TSPEAR: variants seen among roughly 807,000 people sequenced by gnomAD.
TSPEAR encodes the protein thrombospondin type laminin G domain and EAR repeats, also known as thrombospondin-type laminin G domain and EAR repeat-containing protein.
In TSPEAR, 69 loss-of-function variants were observed where a neutral mutation model predicts 71.6. That is an observed-to-expected ratio of 0.96 (90% CI 0.79 to 1.18). TSPEAR has a LOEUF of 1.18. Among genes scored for constraint, TSPEAR ranks in the 50% most tolerant of loss-of-function variants. TSPEAR has a pLI of 0.00. For missense variants in TSPEAR, 971 were observed against 894.9 expected, an observed-to-expected ratio of 1.09 and a Z score of -1.09; for synonymous variants, 402 against 387.2, an observed-to-expected ratio of 1.04 and a Z score of -0.45.
chr21:44,646,643 G>C, intron 1 of TSPEAR: 19 of 1,613,562 alleles, frequency 1.2e-5, no homozygotes, highest in Non-Finnish European at 1.6e-5. Flanking sequence ...CAGGCGGCCT[G>C]TGAGCCCAGC....
At chr21:44,600,292 TCTATTTGCAGACATTACACCC>T (rs1569211366) in intron 1 of TSPEAR, among the ~76,000 whole-genome samples, 11 of 147,572 alleles carry the variant, frequency 7.5e-5, no homozygotes, top group African/African-American at 3.0e-4. Context: ...CCTGGGACAC[TCTATTTGCAGACATTACACCC>T]TGTCTACTTC....
At chr21:44,573,877 CCTG>C in intron 1 of TSPEAR, 1 of 1,611,326 alleles carries the variant, frequency 6.2e-7, no homozygotes, top group Middle Eastern at 1.7e-4. Flanking sequence ...TGCGAGCCCC[CCTG>C]CTGCGCCCCC....
At chr21:44,676,302 G>T in intron 1 of TSPEAR, 1 of 1,210,458 alleles carries the variant, frequency 8.3e-7, no homozygotes, top group Non-Finnish European at 1.2e-6. Context: ...GGATAGCTGT[G>T]GCTAAAGCTT....
At chr21:44,708,006 TGCACACAC>T (rs1988023440) in intron 1 of TSPEAR, among the ~76,000 whole-genome samples, 1 of 8,860 alleles carries the variant, frequency 1.1e-4, no homozygotes, top group African/African-American at 7.3e-4. Context: ...GCCCCGCGCG[TGCACACAC>T]ACACACACAC....
intron 2 of TSPEAR, chr21:44,558,290 G>A (rs781992620): frequency 2.2e-5 from 36 of 1,614,052 alleles, no homozygotes; most frequent in Admixed American, 8.3e-5. Flanking sequence ...AAGCCGGCTG[G>A]CGGCTAGACT....
At position 44,642,715 on chromosome 21, in the gene TSPEAR, G is replaced by A. The variant is rs1486338873; in HGVS notation, c.82+68718C>T. On this transcript the variant is annotated intron_variant, in intron 1 of 11. Coordinates refer to ENST00000323084, the MANE Select transcript of TSPEAR (RefSeq NM_144991.3). This position sits in a 1 kb window ranked among gnomAD's most constrained non-coding sequence, Gnocchi z 4.1. Reference sequence around the variant, plus strand: ...AAATTGGCCAGGTGTGGTGGCAGGCGCCTGTAGTCCCAGCTACCTGGGAGG... The same window carrying A: ...AAATTGGCCAGGTGTGGTGGCAGGCACCTGTAGTCCCAGCTACCTGGGAGG... Among the ~76,000 whole-genome samples the A allele has an allele frequency of 3.3e-5, 5 of 152,094 alleles. No homozygotes were observed. The highest frequency in any genetic ancestry group is 2.0e-4 in the Admixed American group (3 of 15,268).
chr21:44,654,687 T>G, intron 1 of TSPEAR: 1 of 1,045,956 alleles, frequency 9.6e-7, no homozygotes, highest in African/African-American at 1.6e-5. Context: ...GTGGCCTTTA[T>G]ACCCAGGCTA....
intron 1 of TSPEAR, among the ~76,000 whole-genome samples, chr21:44,610,747 AG>A (rs1981610128): frequency 6.6e-6 from 1 of 152,208 alleles, no homozygotes; most frequent in African/African-American, 2.4e-5. Flanking sequence ...ACTCAACACC[AG>A]CCCATGAAAG....
intron 1 of TSPEAR, among the ~76,000 whole-genome samples, chr21:44,701,361 G>A (rs576782158): frequency 1.3e-5 from 2 of 152,324 alleles, no homozygotes; most frequent in Admixed American, 1.3e-4. Context: ...CAACCTTCAT[G>A]GCACCAGGGA....
chr21:44,658,847 T>C, intron 1 of TSPEAR, among the ~76,000 whole-genome samples: 1 of 151,990 alleles, frequency 6.6e-6, no homozygotes, highest in Admixed American at 6.6e-5. Context: ...AGCTTCCAGA[T>C]GGAGCGTGTT....
intron 9 of TSPEAR, among the ~76,000 whole-genome samples, chr21:44,511,286 G>A (rs1324027416): frequency 6.6e-6 from 1 of 152,158 alleles, no homozygotes; most frequent in Non-Finnish European, 1.5e-5. Context: ...ACACAAACAT[G>A]GATGTGCACT....
chr21:44,677,827 C>T (rs1555947187), intron 1 of TSPEAR: 7 of 1,300,234 alleles, frequency 5.4e-6, no homozygotes, highest in Admixed American at 3.5e-5. Context: ...AGAACCACCT[C>T]GAAGAGTTTG....
At chr21:44,661,197 C>A (rs1336458342) in intron 1 of TSPEAR, among the ~76,000 whole-genome samples, 1 of 150,558 alleles carries the variant, frequency 6.6e-6, no homozygotes, top group Admixed American at 6.6e-5. Context: ...TGGCGTGAAC[C>A]CCAGAGGCGG....
chr21:44,558,880 TC>T, intron 2 of TSPEAR: 1 of 895,182 alleles, frequency 1.1e-6, no homozygotes, highest in Admixed American at 2.9e-5. Context: ...GCCTTCCTCT[TC>T]CTTGTTGTTG....
intron 1 of TSPEAR, chr21:44,678,040 C>T (rs1243570420): frequency 2.0e-5 from 15 of 754,410 alleles, no homozygotes; most frequent in African/African-American, 3.4e-5. Context: ...ATAGAGACAA[C>T]TCTGGGCCAC....
rs1555910922 is a variant in TSPEAR, at chr21:44,499,901, C to T, written c.1892G>A (p.Ser631Asn). 3 of 1,607,936 alleles carry T rather than the reference C, an allele frequency of 1.9e-6. No individual in the cohort carries two copies. The highest frequency in any genetic ancestry group is 2.5e-6 in the Non-Finnish European group (3 of 1,178,210). ...GTCCCTGCAGCCGACGGTGGGGAGG[C>T]TGTGCACCGCCACGAAGCCCTCGTA... is the stretch of plus-strand genomic sequence containing the variant. The part of the protein sequence containing the change: ...QGYEGFVAVH[S>N]LPTVGCRDWE... Residue 631 changes from serine (S) to asparagine (N), a missense_variant, in exon 12 of 12, where the codon AGC (serine) becomes AAC (asparagine). Ser to Asn is a conservative substitution (Grantham distance 46). Coordinates refer to ENST00000323084, the MANE Select transcript of TSPEAR (RefSeq NM_144991.3).
chr21:44,672,911 A>T lies in TSPEAR; in HGVS notation c.82+38522T>A, dbSNP rs1036914338. Among the ~76,000 whole-genome samples the T allele has an allele frequency of 3.9e-5, 6 of 152,278 alleles. No individual in the cohort carries two copies. The South Asian group carries it at 6.2e-4, about 16-fold the overall frequency. ...TTCCAGCTTCCCATTTGCCTTTTGC[A>T]TTAATTATAAGTTTCCTGAGGCTTC... On this transcript the variant is annotated intron_variant, in intron 1 of 11. Transcript: ENST00000323084.
intron 1 of TSPEAR, among the ~76,000 whole-genome samples, chr21:44,588,022 C>T (rs1979453315): frequency 1.3e-5 from 2 of 152,122 alleles, no homozygotes; most frequent in South Asian, 4.1e-4. Context: ...AGATAAATAG[C>T]TGGGACTTAA....
chr21:44,677,600 T>G, intron 1 of TSPEAR: 1 of 1,064,412 alleles, frequency 9.4e-7, no homozygotes, highest in Non-Finnish European at 1.4e-6. Flanking sequence ...CTTCATCAAT[T>G]GCAGGGTGAT....
Sources: gnomAD v4.1 joint callset for allele counts (sites outside exome capture counted in the v4.1 genomes callset) on GRCh38, gnomAD v4.1.1 for gene constraint, Gnocchi (gnomAD v3.1) non-coding constraint, MANE v1.5 for transcripts, NCBI Gene and HGNC (gene_info 2026-07-23, HGNC 2026-07-21) for gene names.